The following HDAC4 variants were observed in gnomAD, a reference collection of about 807,000 sequenced individuals.
HDAC4 encodes histone deacetylase A.
In HDAC4, 16 loss-of-function variants were observed where a neutral mutation model predicts 135.1. That is an observed-to-expected ratio of 0.12 (90% confidence interval 0.08 to 0.18). The LOEUF (loss-of-function observed/expected upper bound fraction) is 0.18, where lower values mean the gene tolerates loss of function less well. HDAC4 is among the 10% of genes least tolerant of loss of function. The pLI, the probability that HDAC4 is intolerant of heterozygous loss-of-function variation, is 1.00. For missense variants in HDAC4, 1,143 were observed against 1,511.8 expected, an observed-to-expected ratio of 0.76 and a Z score of 4.05; for synonymous variants, 685 against 653.4, an observed-to-expected ratio of 1.05 and a Z score of -0.74.
intron 1 of HDAC4, among the ~76,000 whole-genome samples, chr2:239,378,223 C>T (rs1695164290): frequency 6.6e-6 from 1 of 152,110 alleles, no homozygotes; most frequent in African/African-American, 2.4e-5. Context: ...TCCGTGACAG[C>T]TTGGGGACTT....
At chr2:239,398,130 G>A (rs1017837382) in intron 1 of HDAC4, among the ~76,000 whole-genome samples, 63 of 152,286 alleles carry the variant, frequency 4.1e-4, no homozygotes, top group African/African-American at 1.3e-3. Context: ...ACAGCCTGTC[G>A]CCCCGCTGCC....
In HDAC4 at chr2:239,163,860, G is replaced by A. The variant is rs757619942; in HGVS notation, c.554C>T (p.Ala185Val). Reference sequence around the variant, plus strand: ...GTGGTTCAGATTCCGGTGGGCCAGCGCCTTCTTTTTATTGAGGACAAATTC... The same window carrying A: ...GTGGTTCAGATTCCGGTGGGCCAGCACCTTCTTTTTATTGAGGACAAATTC... ...LQEFVLNKKK[A>V]LAHRNLNHCI... The change falls in exon 6 of 27, where the codon GCG becomes GTG. Residue 185 changes from alanine to valine, a missense_variant. This residue lies in a region of HDAC4 where 247 missense variants were observed against 310.0 expected (regional missense o/e 0.80). Transcript: ENST00000543185. 9.9e-6 allele frequency: 16 copies of A among 1,613,932 alleles called. No individual in the cohort carries two copies. Among genetic ancestry groups the A allele is most frequent in the African/African-American group, 5.3e-5 (4 of 74,914 alleles).
At chr2:239,103,026 T>C in intron 15 of HDAC4, 130 bp from the exon 16 acceptor site, 1 of 1,113,810 alleles carries the variant, frequency 9.0e-7, no homozygotes, top group Non-Finnish European at 1.3e-6. Flanking sequence ...AGCATGTTAT[T>C]TGGTTACTGC....
chr2:239,276,788 G>C (rs2050394632), intron 2 of HDAC4, among the ~76,000 whole-genome samples: 1 of 152,250 alleles, frequency 6.6e-6, no homozygotes, highest in African/African-American at 2.4e-5. Context: ...GGCGAGGCAA[G>C]ACGGCAGAGG....
At chr2:239,165,230 A>G (rs1365103473) in intron 5 of HDAC4, among the ~76,000 whole-genome samples, 6 of 121,278 alleles carry the variant, frequency 4.9e-5, no homozygotes, top group Non-Finnish European at 1.1e-4. Flanking sequence ...GTCTCAAAAG[A>G]AAAAAAGAAA....
intron 11 of HDAC4, among the ~76,000 whole-genome samples, chr2:239,130,829 G>T (rs1274369862): frequency 2.0e-5 from 3 of 152,216 alleles, no homozygotes; most frequent in Non-Finnish European, 4.4e-5. Context: ...ACAGCAGATT[G>T]CATGGTTCTC....
At chr2:239,290,563 C>T (rs1273110651) in intron 2 of HDAC4, among the ~76,000 whole-genome samples, 7 of 150,242 alleles carry the variant, frequency 4.7e-5, no homozygotes. Context: ...GCAGGGCAAG[C>T]TCCTGAAATG....
chr2:239,333,488 T>C (rs1176150189), intron 2 of HDAC4, among the ~76,000 whole-genome samples: 3 of 152,104 alleles, frequency 2.0e-5, no homozygotes, highest in African/African-American at 7.2e-5. Context: ...TCTCATATCT[T>C]TAGATGATAA....
intron 22 of HDAC4, among the ~76,000 whole-genome samples, chr2:239,075,295 G>T (rs2034630741): frequency 6.6e-6 from 1 of 151,432 alleles, no homozygotes; most frequent in Non-Finnish European, 1.5e-5. Context: ...GTTTGCCGTG[G>T]GCCTCTCAAG....
At chr2:239,133,720 G>C (rs191313759) in intron 11 of HDAC4, among the ~76,000 whole-genome samples, 4 of 152,304 alleles carry the variant, frequency 2.6e-5, no homozygotes, top group African/African-American at 9.6e-5. Flanking sequence ...GCCTGCCTCG[G>C]CCTCCCAAAC....
chr2:239,194,579 C>T (rs942002020), intron 3 of HDAC4, among the ~76,000 whole-genome samples: 2 of 152,240 alleles, frequency 1.3e-5, no homozygotes, highest in Non-Finnish European at 2.9e-5. Flanking sequence ...AGCCAGCGAG[C>T]AGCCTGGCCC....
intron 1 of HDAC4, among the ~76,000 whole-genome samples, chr2:239,377,617 C>T (rs934844904): frequency 2.0e-5 from 3 of 152,234 alleles, no homozygotes; most frequent in African/African-American, 7.2e-5. Context: ...CAACCTGGAG[C>T]AGCCGAGGTG....
At chr2:239,079,721 C>T (rs932004198) in intron 22 of HDAC4, among the ~76,000 whole-genome samples, 3 of 151,982 alleles carry the variant, frequency 2.0e-5, no homozygotes, top group African/African-American at 4.8e-5. Flanking sequence ...CACAAGCACA[C>T]GTGTGTGTAC....
chr2:239,300,261 T>C (rs180811024), intron 2 of HDAC4, among the ~76,000 whole-genome samples: 1 of 152,304 alleles, frequency 6.6e-6, no homozygotes. Flanking sequence ...AAATCACTGA[T>C]AAAGGATGAT....
At chr2:239,168,773 G>T (rs571289393) in intron 5 of HDAC4, among the ~76,000 whole-genome samples, 2 of 152,320 alleles carry the variant, frequency 1.3e-5, no homozygotes, top group South Asian at 4.1e-4. Context: ...GCGGCCCTGC[G>T]TCCTCACCAC....
Position 239,068,592 on chromosome 2 carries a change from C to G in HDAC4, c.2766G>C (p.Pro922=), listed in dbSNP as rs765632061. The G allele has an allele frequency of 1.2e-5, 19 of 1,613,764 alleles. No homozygotes were observed. The highest frequency in any genetic ancestry group is 8.8e-5 in the South Asian group (8 of 91,076). ...YLAAFRTVVM[P]IASEFAPDVV... is the part of the protein sequence containing the mutation. ...CATCCGGGGCAAACTCGCTGGCGAT[C>G]GGCATGACCACCGTTCTGCAAAGGA... The change falls in exon 23 of 27, where the codon CCG becomes CCC. Residue 922 remains proline, a synonymous_variant. Transcript: ENST00000543185. The surrounding 1 kb of genome is among the most constrained non-coding windows in gnomAD (Gnocchi z 4.4).
In HDAC4 at chr2:239,299,049, T is replaced by C. The variant is rs946356555; in HGVS notation, c.22+53629A>G. On this transcript the variant is annotated intron_variant, in intron 2 of 26. Transcript: ENST00000543185. This position sits in a 1 kb window ranked among gnomAD's most constrained non-coding sequence, Gnocchi z 4.0. ...ACGCCCAGCTAATTTTTTGTATTTTTAGTAGAGACGGGGTTTCATGTTAGC... is the reference window on the plus strand; with the variant it reads ...ACGCCCAGCTAATTTTTTGTATTTTCAGTAGAGACGGGGTTTCATGTTAGC... Among the ~76,000 whole-genome samples the C allele has an allele frequency of 3.3e-5, 5 of 152,038 alleles. No individual in the cohort carries two copies. Among genetic ancestry groups the C allele is most frequent in the African/African-American group, 1.2e-4 (5 of 41,406 alleles).
intron 5 of HDAC4, 83 bp from the exon 6 acceptor site, chr2:239,164,006 A>T: frequency 6.5e-7 from 1 of 1,542,142 alleles, no homozygotes; most frequent in East Asian, 2.3e-5. Flanking sequence ...CCACAGAGGG[A>T]GGGAAGGGCT....
intron 2 of HDAC4, among the ~76,000 whole-genome samples, chr2:239,282,528 T>G (rs1225398875): frequency 7.2e-6 from 1 of 139,382 alleles, no homozygotes; most frequent in Non-Finnish European, 1.5e-5. Flanking sequence ...CCACTCTCAA[T>G]GTACACACCA....
Sources: gnomAD v4.1 joint callset for allele counts (sites outside exome capture counted in the v4.1 genomes callset) on GRCh38, gnomAD v4.1.1 for gene constraint, gnomAD v4.1.1 regional missense constraint, Gnocchi (gnomAD v3.1) non-coding constraint, MANE v1.5 for transcripts, NCBI Gene and HGNC (gene_info 2026-07-23, HGNC 2026-07-21) for gene names.